PDE4DIP: variants seen among roughly 807,000 people sequenced by gnomAD.
PDE4DIP encodes phosphodiesterase 4D interacting protein.
In PDE4DIP, 59 loss-of-function variants were observed where a neutral mutation model predicts 221.4. The ratio of observed to expected loss-of-function variants is 0.27; its 90% CI spans 0.22 to 0.33. The LOEUF (loss-of-function observed/expected upper bound fraction) is 0.33. Ranked by LOEUF, PDE4DIP falls within the 10% of genes least tolerant of loss-of-function variation. The pLI, the probability that PDE4DIP is intolerant of heterozygous loss-of-function variation, is 1.00. For synonymous variants in PDE4DIP, 404 were observed against 815.9 expected (o/e 0.50, Z 8.60); for missense variants, 1,036 against 2,154.2 (o/e 0.48, Z 10.28).
At chr1:149,021,317 G>A (rs1331115989) in intron 37 of PDE4DIP, 164 bp downstream of exon 40, 1 of 624,892 alleles carries the variant, frequency 1.6e-6, no homozygotes, top group South Asian at 2.4e-5. Context: ...CAAACACAAA[G>A]CCCAACGGGA....
chr1:148,982,909 T>C (rs2061345480), intron 21 of PDE4DIP: 1 of 152,142 alleles, frequency 6.6e-6, no homozygotes. Context: ...AGATAGAGCA[T>C]CAGTCAAACT....
intron 4 of PDE4DIP, among the ~76,000 whole-genome samples, chr1:148,934,227 A>G (rs28403871): frequency 2.8e-4 from 42 of 152,256 alleles, no homozygotes; most frequent in African/African-American, 9.4e-4. Flanking sequence ...TTATATATAT[A>G]CATATTGTAC....
chr1:148,944,042 C>T (rs1488011066), intron 5 of PDE4DIP, among the ~76,000 whole-genome samples: 1 of 152,182 alleles, frequency 6.6e-6, no homozygotes, highest in African/African-American at 2.4e-5. Context: ...GAGGGGAATA[C>T]AAACTTTCAA....
chr1:148,953,553 A>C (rs149242657), intron 5 of PDE4DIP: 1 of 1,614,136 alleles, frequency 6.2e-7, no homozygotes, highest in Non-Finnish European at 8.5e-7. Flanking sequence ...CAACAGAAAG[A>C]TGAGGAGACT....
chr1:149,021,825 T>C (rs1333083910), intron 37 of PDE4DIP: 1 of 145,990 alleles, frequency 6.8e-6, no homozygotes. Context: ...TGGATTTAAA[T>C]ATTAAGGACA....
intron 16 of PDE4DIP, among the ~76,000 whole-genome samples, chr1:148,972,972 A>G (rs113334671): frequency 0.087 from 10,997 of 126,874 alleles, 728 homozygotes; most frequent in East Asian, 0.24. Flanking sequence ...AATGTTATAT[A>G]TATATATAAT....
intron 20 of PDE4DIP, 81 bp from the exon 24 acceptor site, chr1:148,981,189 T>C: frequency 7.4e-7 from 1 of 1,343,550 alleles, no homozygotes; most frequent in Non-Finnish European, 1.1e-6. Flanking sequence ...AAAGTGGTAT[T>C]GATGGTTCTT....
chr1:148,950,125 T>C (rs587732203), intron 5 of PDE4DIP, among the ~76,000 whole-genome samples: 1 of 152,150 alleles, frequency 6.6e-6, no homozygotes, highest in African/African-American at 2.4e-5. Flanking sequence ...AAGAGCACTT[T>C]GTTTCATTCA....
chr1:149,018,630 A>C (rs782783980), exon 35 of PDE4DIP: 1 of 1,613,236 alleles, frequency 6.2e-7, no homozygotes, highest in South Asian at 1.1e-5. Context: ...ACAATCGAAG[A>C]CTTCAGGCTC....
intron 20 of PDE4DIP, 30 bp from the exon 24 acceptor site, chr1:148,981,240 A>G (rs2061026678): frequency 6.2e-7 from 1 of 1,610,732 alleles, no homozygotes; most frequent in African/African-American, 1.3e-5. Flanking sequence ...TGGCTAATCC[A>G]CTTTCCTTCC....
At chr1:149,000,999 T>C (rs2065516557) in intron 23 of PDE4DIP, among the ~76,000 whole-genome samples, 1 of 150,518 alleles carries the variant, frequency 6.6e-6, no homozygotes, top group Non-Finnish European at 1.5e-5. Context: ...TGGCAGGCAC[T>C]TGTGTAGGTA....
chr1:148,996,665 A>G (rs1553564802), intron 22 of PDE4DIP, among the ~76,000 whole-genome samples: 1 of 152,260 alleles, frequency 6.6e-6, no homozygotes, highest in African/African-American at 2.4e-5. Flanking sequence ...CCCTACCACA[A>G]ACCTGTGACC....
At chr1:149,006,036 G>C (rs1436464742) in intron 27 of PDE4DIP, among the ~76,000 whole-genome samples, 3 of 152,274 alleles carry the variant, frequency 2.0e-5, no homozygotes, top group Admixed American at 1.3e-4. Flanking sequence ...GGGAGGCTGA[G>C]GCAGGAGAAT....
upstream of PDE4DIP, among the ~76,000 whole-genome samples, chr1:148,889,169 G>A (rs1697284212): frequency 6.6e-6 from 1 of 152,098 alleles, no homozygotes; most frequent in South Asian, 2.1e-4. Context: ...GGTTACCTTT[G>A]TGGGCCGTTT....
At chr1:148,955,825 C>T (rs1270933432) in intron 5 of PDE4DIP, among the ~76,000 whole-genome samples, 2 of 151,910 alleles carry the variant, frequency 1.3e-5, no homozygotes, top group African/African-American at 2.4e-5. Context: ...TATGACCTTT[C>T]TGCTGTGACT....
rs113836184 is a variant in PDE4DIP, at chr1:148,934,984, G to A, written c.518+2696G>A. Among the ~76,000 whole-genome samples the A allele has an allele frequency of 6.6e-5, 10 of 152,110 alleles. 1 individual carries two copies. In the South Asian group the frequency reaches 1.5e-3, roughly 22 times the overall value. On this transcript the variant is annotated intron_variant, in intron 4 of 43. Coordinates refer to ENST00000369354, the Ensembl canonical transcript of PDE4DIP. ...CACACCTGTAATCCTAGCACTTTGG[G>A]AGGCCGAGGCGGGCGGATCACGAGA... is the stretch of plus-strand genomic sequence containing the variant.
intron 1 of PDE4DIP, among the ~76,000 whole-genome samples, chr1:148,827,732 G>T (rs1670941669): frequency 8.4e-6 from 1 of 118,380 alleles, no homozygotes; most frequent in African/African-American, 2.7e-5. Context: ...TGTGTAAAGA[G>T]AGAAAACAAA....
chr1:148,976,248 A>G (rs587692044), intron 17 of PDE4DIP, among the ~76,000 whole-genome samples: 3 of 152,336 alleles, frequency 2.0e-5, no homozygotes, highest in South Asian at 2.1e-4. Context: ...ATTCCTTTAA[A>G]GGTTTTATTT....
intron 8 of PDE4DIP, 62 bp downstream of exon 11, chr1:148,962,350 G>C (rs1553512401): frequency 6.6e-7 from 1 of 1,506,388 alleles, no homozygotes; most frequent in African/African-American, 1.4e-5. Context: ...TTTGGTTGCA[G>C]TCTTGATTTT....
Sources: gnomAD v4.1 joint callset for allele counts (sites outside exome capture counted in the v4.1 genomes callset) on GRCh38, gnomAD v4.1.1 for gene constraint, MANE v1.5 for transcripts, NCBI Gene and HGNC (gene_info 2026-07-23, HGNC 2026-07-21) for gene names.